Variants in PTPRN2 observed in about 807,000 individuals in gnomAD.
PTPRN2 encodes the protein receptor-type tyrosine-protein phosphatase N2.
PTPRN2 carries 74 observed loss-of-function variants against 118.8 expected under a neutral mutation model. The ratio of observed to expected loss-of-function variants is 0.62; its 90% CI spans 0.52 to 0.76. The LOEUF is 0.76. Among genes scored for constraint, PTPRN2 ranks in the 30% least tolerant of loss-of-function variants. The pLI is 0.00. For missense variants in PTPRN2, 1,481 were observed against 1,394.4 expected (o/e 1.06, Z -0.99); for synonymous variants, 641 against 608.0 (o/e 1.05, Z -0.80).
chr7:158,519,830 T>C (rs1176517674), intron 1 of PTPRN2, among the ~76,000 whole-genome samples: 3 of 152,186 alleles, frequency 2.0e-5, no homozygotes, highest in African/African-American at 7.2e-5. Context: ...CCCCATGGCA[T>C]GGAAATTCTC....
At position 157,784,277 on chromosome 7, in the gene PTPRN2, G is replaced by A. The variant is rs1036903556; in HGVS notation, c.1789-101340C>T. Among the ~76,000 whole-genome samples the A allele has an allele frequency of 6.6e-6, 1 of 152,160 alleles. No individual in the cohort carries two copies. The highest frequency in any genetic ancestry group is 2.4e-5 in the African/African-American group (1 of 41,444). ...AACTAGGTCTCAGGAGGCCAAGTGG[G>A]GGGCCTGCCCCCACCTCTGGGGTCT... On this transcript the variant is annotated intron_variant, in intron 12 of 22. Coordinates refer to ENST00000389418, the MANE Select transcript of PTPRN2 (RefSeq NM_002847.5). The surrounding 1 kb of genome is among the most constrained non-coding windows in gnomAD (Gnocchi z 4.6).
intron 2 of PTPRN2, 82 bp downstream of exon 2, chr7:158,489,653 C>CG (rs1229965060): frequency 1.4e-6 from 2 of 1,404,110 alleles, no homozygotes; most frequent in African/African-American, 3.0e-5. Flanking sequence ...AGGCCAGCGG[C>CG]GGGGCTCACC....
chr7:158,494,778 G>C (rs995316546), intron 1 of PTPRN2, among the ~76,000 whole-genome samples: 1 of 152,202 alleles, frequency 6.6e-6, no homozygotes, highest in South Asian at 2.1e-4. Context: ...GGAAGTTGCT[G>C]AACCTGAACT....
At chr7:158,339,984 T>A (rs1442573594) in intron 2 of PTPRN2, among the ~76,000 whole-genome samples, 3 of 83,504 alleles carry the variant, frequency 3.6e-5, no homozygotes, top group African/African-American at 1.4e-4. Context: ...CCATAAGAGC[T>A]GTCGCCCGCA....
chr7:158,151,398 A>G (rs1245234433), intron 6 of PTPRN2, among the ~76,000 whole-genome samples: 4 of 139,530 alleles, frequency 2.9e-5, no homozygotes, highest in African/African-American at 8.5e-5. Flanking sequence ...CCGCCTTTCT[A>G]TTCCTGCCTC....
chr7:157,753,711 T>G (rs55867245), intron 12 of PTPRN2, among the ~76,000 whole-genome samples: 3,421 of 145,692 alleles, frequency 0.023, 72 homozygotes, highest in African/African-American at 0.055. Flanking sequence ...CTCCCCTCCG[T>G]TCTCTACCAT....
chr7:158,269,134 C>A (rs1798126828), intron 3 of PTPRN2, among the ~76,000 whole-genome samples: 1 of 152,180 alleles, frequency 6.6e-6, no homozygotes, highest in Non-Finnish European at 1.5e-5. Context: ...CCTCCGGTCA[C>A]CCCCACCTTC....
At chr7:158,351,725 CG>C (rs1360956193) in intron 2 of PTPRN2, among the ~76,000 whole-genome samples, 1 of 152,066 alleles carries the variant, frequency 6.6e-6, no homozygotes, top group Non-Finnish European at 1.5e-5. Flanking sequence ...CACGGCCCCA[CG>C]GGAGGAGCCT....
intron 14 of PTPRN2, among the ~76,000 whole-genome samples, chr7:157,638,705 G>C (rs991559972): frequency 1.3e-5 from 2 of 152,222 alleles, no homozygotes; most frequent in Non-Finnish European, 2.9e-5. Context: ...GCATTCCCAG[G>C]GTTTGGAGGG....
At chr7:158,248,383 C>G (rs1248469748) in intron 3 of PTPRN2, among the ~76,000 whole-genome samples, 3 of 152,176 alleles carry the variant, frequency 2.0e-5, no homozygotes, top group Admixed American at 6.5e-5. Flanking sequence ...CACAGCCCTC[C>G]CAAGGGGCAG....
In PTPRN2 at chr7:157,874,355, C is replaced by T. The variant is rs554856592; in HGVS notation, c.1788+24318G>A. Among the ~76,000 whole-genome samples, 13 of 152,200 alleles carry T rather than the reference C, an allele frequency of 8.5e-5. No homozygotes were observed. Among genetic ancestry groups the T allele is most frequent in the Non-Finnish European group, 1.2e-4 (8 of 68,028 alleles). On this transcript the variant is annotated intron_variant, in intron 12 of 22. Coordinates refer to ENST00000389418, the MANE Select transcript of PTPRN2 (RefSeq NM_002847.5). This position sits in a 1 kb window ranked among gnomAD's most constrained non-coding sequence, Gnocchi z 5.8. Reference sequence around the variant, plus strand: ...CTCAGCCCATTTTCAACGTGACACACGCAGGTGAAGTGGACCTGACCCAGC... The same window carrying T: ...CTCAGCCCATTTTCAACGTGACACATGCAGGTGAAGTGGACCTGACCCAGC...
chr7:157,982,295 GTCCCCCCAAACCC>G (rs1803302239), intron 11 of PTPRN2, among the ~76,000 whole-genome samples: 1 of 42,276 alleles, frequency 2.4e-5, no homozygotes, highest in Non-Finnish European at 4.9e-5. Flanking sequence ...AGAGTGCAGG[GTCCCCCCAAACCC>G]TGAGTCATAG....
At chr7:158,018,966 CAAAAAAA>C (rs753498681) in intron 11 of PTPRN2, among the ~76,000 whole-genome samples, 855 of 65,858 alleles carry the variant, frequency 0.013, 6 homozygotes, top group East Asian at 0.046. Context: ...GTTTCAAAAA[CAAAAAAA>C]AAAAAAAAAA....
In PTPRN2 at chr7:158,527,924, A is replaced by T. The variant is rs1023135375; in HGVS notation, c.113-38139T>A. On this transcript the variant is annotated intron_variant, in intron 1 of 22. Coordinates refer to ENST00000389418, the MANE Select transcript of PTPRN2 (RefSeq NM_002847.5). The stretch of plus-strand genomic sequence containing the variant: ...TCAACCACCTTCCTGTGTAGCAGGG[A>T]CCACCTACCTGTGTTGCTTGTGCTA... 7.1e-5 allele frequency among the ~76,000 whole-genome samples: 8 copies of T among 112,804 alleles called. 1 individual carries two copies. The Admixed American group carries it at 7.6e-4, about 11-fold the overall frequency. 74.0% of individuals were successfully genotyped at this position (112,804 alleles called of 152,430 possible).
At chr7:157,725,763 C>T (rs2952641) in intron 12 of PTPRN2, among the ~76,000 whole-genome samples, 7 of 89,098 alleles carry the variant, frequency 7.9e-5, no homozygotes, top group East Asian at 2.7e-4. Context: ...GATATCCACA[C>T]GCAGAGGACT....
At chr7:158,204,261 C>A (rs891847067) in intron 4 of PTPRN2, among the ~76,000 whole-genome samples, 1 of 152,004 alleles carries the variant, frequency 6.6e-6, no homozygotes, top group African/African-American at 2.4e-5. Context: ...GACGCAGCCC[C>A]CGCCCTCAGT....
intron 1 of PTPRN2, among the ~76,000 whole-genome samples, chr7:158,514,823 A>G (rs1462507541): frequency 2.6e-5 from 4 of 152,186 alleles, no homozygotes; most frequent in Admixed American, 2.6e-4. Context: ...TCGCAGATGT[A>G]ACAGCCATGG....
intron 11 of PTPRN2, among the ~76,000 whole-genome samples, chr7:157,916,725 G>A (rs1798419651): frequency 6.6e-6 from 1 of 151,082 alleles, no homozygotes; most frequent in Non-Finnish European, 1.5e-5. Context: ...CCCGGCTGAA[G>A]GTCCCCACCA....
At chr7:158,062,132 G>C (rs747836179) in intron 11 of PTPRN2, among the ~76,000 whole-genome samples, 36 of 152,386 alleles carry the variant, frequency 2.4e-4, no homozygotes, top group Admixed American at 9.8e-4. Flanking sequence ...CCATGGCACA[G>C]AGCACTGAGC....
Sources: gnomAD v4.1 joint callset for allele counts (sites outside exome capture counted in the v4.1 genomes callset) on GRCh38, gnomAD v4.1.1 for gene constraint, Gnocchi (gnomAD v3.1) non-coding constraint, MANE v1.5 for transcripts, NCBI Gene and HGNC (gene_info 2026-07-23, HGNC 2026-07-21) for gene names.